WAS: variants seen among roughly 807,000 people sequenced by gnomAD.
The protein encoded by WAS is actin nucleation-promoting factor WAS.
In WAS, 1 loss-of-function variant was observed where a neutral mutation model predicts 38.9. That is an observed-to-expected ratio of 0.03 (90% confidence interval 0.01 to 0.12). The LOEUF is 0.12. WAS is among the 10% of genes least tolerant of loss of function. WAS has a pLI of 1.00. For synonymous variants in WAS, 182 were observed against 173.6 expected, an observed-to-expected ratio of 1.05 and a Z score of -0.38; for missense variants, 311 against 431.2, an observed-to-expected ratio of 0.72 and a Z score of 2.47.
chrX:48,685,216 C>T (rs2062415173), intron 2 of WAS, among the ~76,000 whole-genome samples: 2 of 111,155 alleles, frequency 1.8e-5, no homozygotes, highest in African/African-American at 6.6e-5. Flanking sequence ...TGAATTGGGG[C>T]TGGGGTGGTG....
chrX:48,690,621 C>T (rs1557007637), intron 11 of WAS, among the ~76,000 whole-genome samples: 2 of 109,630 alleles, frequency 1.8e-5, no homozygotes, highest in African/African-American at 3.3e-5. Flanking sequence ...GTCACCCAGG[C>T]TGGAGTGCAG....
At chrX:48,677,595 G>GC (rs1406770478) in intron 1 of WAS, among the ~76,000 whole-genome samples, 2 of 111,970 alleles carry the variant, frequency 1.8e-5, no homozygotes, top group Non-Finnish European at 3.8e-5. Context: ...CAGGGCCAGG[G>GC]CAAGGGTCAG....
chrX:48,680,200 G>A (rs1267241523), upstream of WAS, among the ~76,000 whole-genome samples: 1 of 111,747 alleles, frequency 8.9e-6, no homozygotes, highest in Admixed American at 9.5e-5. Flanking sequence ...CTGAATACAA[G>A]AGACCCTAAT....
At chrX:48,680,061 AC>A (rs1364884892), upstream of WAS, among the ~76,000 whole-genome samples, 2 of 111,272 alleles carry the variant, frequency 1.8e-5, no homozygotes, top group African/African-American at 6.5e-5. Context: ...CTTTGGACTG[AC>A]CCTGCTTATT....
At chrX:48,691,082 A>C (rs782707287) in intron 11 of WAS, 25 bp from the exon 12 acceptor site, 2 of 1,206,612 alleles carry the variant, frequency 1.7e-6, no homozygotes, top group Non-Finnish European at 2.2e-6. Context: ...CTCCCAGGGC[A>C]TCTTATCTTT....
chrX:48,681,960 C>G (rs781790001), upstream of WAS, among the ~76,000 whole-genome samples: 2 of 112,147 alleles, frequency 1.8e-5, no homozygotes, highest in African/African-American at 6.5e-5. Context: ...GCTCAGCTCC[C>G]CCAAACTGCT....
chrX:48,682,371 G>A (rs782386990), upstream of WAS, among the ~76,000 whole-genome samples: 3 of 112,237 alleles, frequency 2.7e-5, no homozygotes, highest in African/African-American at 6.5e-5. Flanking sequence ...GTGGAGGGAC[G>A]AGACCATGCA....
chrX:48,686,272 T>C, intron 6 of WAS, 138 bp downstream of exon 6: 3 of 723,579 alleles, frequency 4.1e-6, no homozygotes, highest in East Asian at 6.9e-5. Context: ...GGTGCATGGA[T>C]GTGTGGACTG....
intron 11 of WAS, 138 bp downstream of exon 11, chrX:48,689,572 G>A (rs782152560): frequency 1.7e-5 from 9 of 537,116 alleles, no homozygotes; most frequent in East Asian, 1.5e-4. Context: ...TGTCAGCCTC[G>A]TTTTTGACAA....
Position 48,688,703 on chromosome X carries a change from G to C in WAS, c.975G>C (p.Gln325His), listed in dbSNP as rs930931192. 30 of 1,185,521 alleles carry C rather than the reference G, an allele frequency of 2.5e-5. No homozygotes were observed. The highest frequency in any genetic ancestry group is 3.4e-5 in the Non-Finnish European group (30 of 882,898). ...PPPPPSRGGNQLPRPPIVGGN... is the reference protein window; with the variant it reads ...PPPPPSRGGNHLPRPPIVGGN... Reference sequence around the variant, plus strand: ...CACCGCCATCTCGAGGAGGGAACCAGCTCCCCCGGCCCCCTATTGTGGGGG... The same window carrying C: ...CACCGCCATCTCGAGGAGGGAACCACCTCCCCCGGCCCCCTATTGTGGGGG... Residue 325 changes from glutamine to histidine, a missense_variant, in exon 10 of 12, where the codon CAG (glutamine) becomes CAC (histidine). Transcript: ENST00000376701.
Position 48,688,460 on chromosome X carries a change from C to A in WAS, c.931+7C>A, listed in dbSNP as rs1319893784. 1 of 1,208,776 alleles carries A rather than the reference C, an allele frequency of 8.3e-7. No homozygotes were observed. Among genetic ancestry groups the A allele is most frequent in the Non-Finnish European group, 1.1e-6 (1 of 894,769 alleles). On this transcript the variant is annotated splice_region_variant and intron_variant, in intron 9 of 11. Coordinates refer to ENST00000376701, the MANE Select transcript of WAS (RefSeq NM_000377.3). ...CAGGAGATGAGGCGCCAGGGTGAGA[C>A]CCTGCTTCCATACGCTCCCTTCTCT...
chrX:48,689,440 C>G lies in WAS; in HGVS notation c.1453+6C>G, dbSNP rs1407771561. On this transcript the variant is annotated splice_donor_region_variant and intron_variant, in intron 11 of 11. Coordinates refer to ENST00000376701, the MANE Select transcript of WAS (RefSeq NM_000377.3). ...CAGAGCCATCCACTCCTCCGGTGAG[C>G]TGATCCTGCCGGGGCCTCAAACCTG... 8.4e-7 allele frequency: 1 copy of G among 1,195,454 alleles called. No individual in the cohort carries two copies. Among genetic ancestry groups the G allele is most frequent in the Non-Finnish European group, 1.1e-6 (1 of 886,333 alleles).
chrX:48,688,262 C>T lies in WAS; in HGVS notation c.778-38C>T, dbSNP rs895174920. ...ATGTCGCTTGTCTCCTCGCCTTATT[C>T]CTCTACTCCTGCCCCTGGCCTTTTT... On this transcript the variant is annotated intron_variant, in intron 8 of 11. Coordinates refer to ENST00000376701, the MANE Select transcript of WAS (RefSeq NM_000377.3). 3 of 1,179,420 alleles carry T rather than the reference C, an allele frequency of 2.5e-6. No homozygotes were observed. In the Admixed American group the frequency reaches 7.3e-5, roughly 29 times the overall value.
intron 1 of WAS, among the ~76,000 whole-genome samples, chrX:48,677,369 G>A (rs2062393231): frequency 9.0e-6 from 1 of 111,532 alleles, no homozygotes; most frequent in Non-Finnish European, 1.9e-5. Context: ...TAGGCGTCAG[G>A]GATGATAGTT....
chrX:48,687,466 T>C (rs2147265291), intron 7 of WAS, among the ~76,000 whole-genome samples: 1 of 109,961 alleles, frequency 9.1e-6, no homozygotes, highest in South Asian at 3.9e-4. Flanking sequence ...GATGGGTTGA[T>C]GGGAGGTGCG....
Position 48,689,302 on chromosome X carries a change from G to A in WAS, c.1339-18G>A, listed in dbSNP as rs370010448. On this transcript the variant is annotated intron_variant, in intron 10 of 11. Coordinates refer to ENST00000376701, the MANE Select transcript of WAS (RefSeq NM_000377.3). Reference sequence around the variant, plus strand: ...TCCCAGGCCCTAAGCCCTCTGTGCTGATCCCTGCCTGCTGCAGACCCCTGG... The same window carrying A: ...TCCCAGGCCCTAAGCCCTCTGTGCTAATCCCTGCCTGCTGCAGACCCCTGG... 164 of 1,178,470 alleles carry A rather than the reference G, an allele frequency of 1.4e-4. No homozygotes were observed. In the Middle Eastern group the frequency reaches 3.2e-3, roughly 23 times the overall value.
At chrX:48,681,747 C>T (rs781832234), upstream of WAS, among the ~76,000 whole-genome samples, 7 of 111,767 alleles carry the variant, frequency 6.3e-5, no homozygotes, top group South Asian at 1.5e-3. Context: ...GCTCCAGGCC[C>T]GAAGCTTAGC....
intron 2 of WAS, 71 bp downstream of exon 2, chrX:48,684,494 GTGTCCAT>G: frequency 8.7e-7 from 1 of 1,143,923 alleles, no homozygotes; most frequent in Non-Finnish European, 1.2e-6. Context: ...GTGTCCATAT[GTGTCCAT>G]AGCTTCAAGA....
chrX:48,682,133 C>T (rs145072740), upstream of WAS, among the ~76,000 whole-genome samples: 234 of 112,043 alleles, frequency 2.1e-3, 4 homozygotes, highest in East Asian at 0.054. Context: ...CTCAGATTCC[C>T]GTCTGAGAGT....
Sources: gnomAD v4.1 joint callset for allele counts (sites outside exome capture counted in the v4.1 genomes callset) on GRCh38, gnomAD v4.1.1 for gene constraint, MANE v1.5 for transcripts, NCBI Gene and HGNC (gene_info 2026-07-23, HGNC 2026-07-21) for gene names.